OPCML: variants seen among roughly 807,000 people sequenced by gnomAD.
OPCML encodes the protein opioid-binding protein/cell adhesion molecule.
Under a neutral mutation model 37.8 loss-of-function variants are expected in OPCML, and 13 were observed. That is an observed-to-expected ratio of 0.34 (90% CI 0.22 to 0.55). The LOEUF (loss-of-function observed/expected upper bound fraction) is 0.55, where lower values mean the gene tolerates loss of function less well. Among genes scored for constraint, OPCML ranks in the 20% least tolerant of loss-of-function variants. The pLI, the probability that OPCML is intolerant of heterozygous loss-of-function variation, is 0.91. For synonymous variants in OPCML, 176 were observed against 168.8 expected (o/e 1.04, Z -0.33); for missense variants, 341 against 435.6 (o/e 0.78, Z 1.93).
intron 3 of OPCML, among the ~76,000 whole-genome samples, chr11:132,616,374 A>G (rs1247152202): frequency 1.3e-5 from 2 of 152,200 alleles, no homozygotes; most frequent in Admixed American, 6.5e-5. Context: ...TCCAGTAATG[A>G]TAAAGGACAT....
At chr11:132,658,163 G>A (rs1314787016) in intron 2 of OPCML, among the ~76,000 whole-genome samples, 3 of 152,236 alleles carry the variant, frequency 2.0e-5, no homozygotes, top group Non-Finnish European at 4.4e-5. Flanking sequence ...AACTGAGGAC[G>A]TGGGAATGGA....
rs528145851 is a variant in OPCML, at chr11:132,650,431, T to C, written c.379+6656A>G. Among the ~76,000 whole-genome samples, 3 of 152,292 alleles carry C rather than the reference T, an allele frequency of 2.0e-5. No homozygotes were observed. The South Asian group carries it at 6.2e-4, about 32-fold the overall frequency. ...ATAACTAGAAAGGACTTTCATATCA[T>C]CAGTTCAACCTTTCCATTGCAAAGT... On this transcript the variant is annotated intron_variant, in intron 3 of 7. Coordinates refer to ENST00000524381, the MANE Select transcript of OPCML (RefSeq NM_001012393.5).
intron 1 of OPCML, among the ~76,000 whole-genome samples, chr11:133,109,499 G>T (rs1443972228): frequency 6.6e-6 from 1 of 150,730 alleles, no homozygotes; most frequent in Non-Finnish European, 1.5e-5. Context: ...TGACTGGTGC[G>T]TTTTACAGAG....
chr11:132,802,742 C>T (rs1938743387), intron 2 of OPCML, among the ~76,000 whole-genome samples: 1 of 152,094 alleles, frequency 6.6e-6, no homozygotes, highest in Non-Finnish European at 1.5e-5. Flanking sequence ...AAGTCAAAGC[C>T]ATGTCAGAGA....
intron 2 of OPCML, among the ~76,000 whole-genome samples, chr11:132,782,688 G>A (rs1351420812): frequency 6.6e-6 from 1 of 151,852 alleles, no homozygotes; most frequent in Admixed American, 6.6e-5. Context: ...TCTTGTTAGG[G>A]ATGGGAAAAT....
chr11:133,101,706 T>G (rs1949087125), intron 1 of OPCML, among the ~76,000 whole-genome samples: 1 of 152,222 alleles, frequency 6.6e-6, no homozygotes, highest in African/African-American at 2.4e-5. Flanking sequence ...CTGGCCATAA[T>G]GCTCCTTGCT....
At chr11:133,024,153 A>G (rs563466555) in intron 1 of OPCML, among the ~76,000 whole-genome samples, 1 of 152,360 alleles carries the variant, frequency 6.6e-6, no homozygotes, top group Admixed American at 6.5e-5. Flanking sequence ...ACAGACATGC[A>G]TAAAAACAGG....
chr11:132,436,206 C>T lies in OPCML; in HGVS notation c.796G>A (p.Glu266Lys), dbSNP rs867484795. ...AGAGTGGACATGCGGCCTTTGTTTT[C>T]AATCCTCATTCCATCCAGACCAGTG... ...LATGLDGMRI[E>K]NKGRMSTLTF... The change falls in exon 7 of 8, where the codon GAA becomes AAA. Residue 266 changes from glutamate to lysine, a missense_variant. Physicochemically the swap from Glu to Lys is moderately conservative, Grantham distance 56. Coordinates refer to ENST00000524381, the MANE Select transcript of OPCML (RefSeq NM_001012393.5). 6.2e-7 allele frequency: 1 copy of T among 1,614,210 alleles called. No individual in the cohort carries two copies. Among genetic ancestry groups the T allele is most frequent in the Non-Finnish European group, 8.5e-7 (1 of 1,180,026 alleles).
At chr11:133,188,305 T>C (rs562831795) in intron 1 of OPCML, among the ~76,000 whole-genome samples, 2 of 152,176 alleles carry the variant, frequency 1.3e-5, no homozygotes, top group South Asian at 4.1e-4. Context: ...AAAGCTTCAC[T>C]TCACATCTGT....
At chr11:133,178,147 C>T (rs1405733729) in intron 1 of OPCML, among the ~76,000 whole-genome samples, 1 of 152,126 alleles carries the variant, frequency 6.6e-6, no homozygotes, top group Non-Finnish European at 1.5e-5. Flanking sequence ...ACACAAAGGC[C>T]ATGCAATATC....
intron 1 of OPCML, among the ~76,000 whole-genome samples, chr11:133,391,046 G>A (rs1945163673): frequency 6.6e-6 from 1 of 152,186 alleles, no homozygotes; most frequent in Non-Finnish European, 1.5e-5. Flanking sequence ...TGCAGCAGAG[G>A]AAGATTTACC....
chr11:133,392,856 T>A (rs556547823), intron 1 of OPCML, among the ~76,000 whole-genome samples: 2 of 152,342 alleles, frequency 1.3e-5, no homozygotes, highest in East Asian at 3.9e-4. Flanking sequence ...CAAAATTTAT[T>A]TGTAACCCCA....
chr11:132,736,344 A>C (rs1945257868), intron 2 of OPCML, among the ~76,000 whole-genome samples: 2 of 152,210 alleles, frequency 1.3e-5, no homozygotes, highest in African/African-American at 4.8e-5. Flanking sequence ...TCTGAATTCC[A>C]ATCAGACACT....
At chr11:132,683,938 C>T (rs1185022707) in intron 2 of OPCML, among the ~76,000 whole-genome samples, 2 of 152,024 alleles carry the variant, frequency 1.3e-5, no homozygotes, top group Admixed American at 6.6e-5. Context: ...TTAACAGGTA[C>T]GTCATAATTT....
At chr11:133,184,315 C>A (rs1233532781) in intron 1 of OPCML, among the ~76,000 whole-genome samples, 1 of 152,156 alleles carries the variant, frequency 6.6e-6, no homozygotes, top group Non-Finnish European at 1.5e-5. Context: ...ACAACGTGCA[C>A]GTGCAGAAGA....
At chr11:133,207,268 C>G (rs139810089) in intron 1 of OPCML, among the ~76,000 whole-genome samples, 57 of 152,194 alleles carry the variant, frequency 3.7e-4, no homozygotes, top group African/African-American at 1.3e-3. Context: ...CCACTGCCCT[C>G]CAGCCTGGGC....
intron 1 of OPCML, among the ~76,000 whole-genome samples, chr11:132,985,890 T>C (rs1946675400): frequency 6.6e-6 from 1 of 152,238 alleles, no homozygotes; most frequent in Non-Finnish European, 1.5e-5. Flanking sequence ...GGTTTTCCAA[T>C]TGTCTCTCTG....
chr11:133,341,197 A>T (rs747445043), intron 1 of OPCML, among the ~76,000 whole-genome samples: 11 of 152,200 alleles, frequency 7.2e-5, no homozygotes, highest in Non-Finnish European at 1.6e-4. Context: ...TAAATAGTCA[A>T]CCAAAAAATG....
At chr11:133,283,133 G>T (rs1942204042) in intron 1 of OPCML, among the ~76,000 whole-genome samples, 1 of 152,086 alleles carries the variant, frequency 6.6e-6, no homozygotes, top group South Asian at 2.1e-4. Context: ...AGAAGAACAT[G>T]ATATTTTGGG....
Sources: allele counts gnomAD v4.1 joint callset (sites outside exome capture counted in the v4.1 genomes callset), GRCh38; gene constraint gnomAD v4.1.1; transcripts MANE v1.5; gene names NCBI Gene and HGNC (gene_info 2026-07-23, HGNC 2026-07-21).